PRKN: variants seen among roughly 807,000 people sequenced by gnomAD.
PRKN encodes E3 ubiquitin-protein ligase parkin.
In PRKN, 56 loss-of-function variants were observed where a neutral mutation model predicts 59.5. That is an observed-to-expected ratio of 0.94 (90% CI 0.76 to 1.18). The LOEUF (loss-of-function observed/expected upper bound fraction) is 1.18. PRKN is among the 50% of genes most tolerant of loss of function. The pLI is 0.00. For missense variants in PRKN, 657 were observed against 596.4 expected (o/e 1.10, Z -1.06); for synonymous variants, 250 against 222.1 (o/e 1.13, Z -1.12).
At chr6:161,703,837 CTCTTTTTT>C (rs1410373622) in intron 7 of PRKN, among the ~76,000 whole-genome samples, 1 of 104,804 alleles carries the variant, frequency 9.5e-6, no homozygotes, top group African/African-American at 4.8e-5. Context: ...CTCTCTCTCT[CTCTTTTTT>C]TTTTTTTTTT....
At chr6:162,304,935 T>C (rs1462690892) in intron 2 of PRKN, among the ~76,000 whole-genome samples, 4 of 152,016 alleles carry the variant, frequency 2.6e-5, no homozygotes, top group Non-Finnish European at 5.9e-5. Flanking sequence ...CAATTCAAGA[T>C]ATTTATTTCT....
chr6:161,517,583 A>G (rs911216553), intron 9 of PRKN, among the ~76,000 whole-genome samples: 16 of 152,016 alleles, frequency 1.1e-4, no homozygotes, highest in African/African-American at 3.9e-4. Flanking sequence ...TACTAAAAAT[A>G]CAAAAAATTA....
chr6:161,485,566 AG>A (rs1031817277), intron 9 of PRKN, among the ~76,000 whole-genome samples: 3 of 152,142 alleles, frequency 2.0e-5, no homozygotes, highest in Non-Finnish European at 2.9e-5. Flanking sequence ...TTTATATAGG[AG>A]GGGGTCAAAG....
At chr6:162,317,721 G>A (rs1254841547) in intron 2 of PRKN, among the ~76,000 whole-genome samples, 1 of 151,850 alleles carries the variant, frequency 6.6e-6, no homozygotes, top group Non-Finnish European at 1.5e-5. Context: ...GGCTCCTGAG[G>A]GTAGAGCATT....
In PRKN at chr6:161,584,505, C is replaced by A. The variant is rs1010192484; in HGVS notation, c.872-15089G>T. Among the ~76,000 whole-genome samples, 3 of 152,046 alleles carry A rather than the reference C, an allele frequency of 2.0e-5. No homozygotes were observed. Among genetic ancestry groups the A allele is most frequent in the African/African-American group, 7.2e-5 (3 of 41,398 alleles). ...TTGGGGGAAAAAACCTTATGGCTGG[C>A]CTGTTATTAGAAGAAAATCTTTTAA... On this transcript the variant is annotated intron_variant, in intron 7 of 11. Coordinates refer to ENST00000366898, the MANE Select transcript of PRKN (RefSeq NM_004562.3). The surrounding 1 kb of genome is among the most constrained non-coding windows in gnomAD (Gnocchi z 4.8).
At position 161,407,943 on chromosome 6, in the gene PRKN, G is replaced by A. The variant is rs1787353239; in HGVS notation, c.1084-21066C>T. On this transcript the variant is annotated intron_variant, in intron 9 of 11. Coordinates refer to ENST00000366898, the MANE Select transcript of PRKN (RefSeq NM_004562.3). The surrounding 1 kb of genome is among the most constrained non-coding windows in gnomAD (Gnocchi z 4.9). ...CTGTAACTTTCCACTGCCTACCCAAGTCCTATAAAGCTGCCCCTCTCCTAT... is the reference window on the plus strand; with the variant it reads ...CTGTAACTTTCCACTGCCTACCCAAATCCTATAAAGCTGCCCCTCTCCTAT... 6.6e-6 allele frequency among the ~76,000 whole-genome samples: 1 copy of A among 152,036 alleles called. No homozygotes were observed. Among genetic ancestry groups the A allele is most frequent in the East Asian group, 1.9e-4 (1 of 5,194 alleles).
chr6:162,079,247 T>C (rs528668903), intron 4 of PRKN, among the ~76,000 whole-genome samples: 14 of 152,230 alleles, frequency 9.2e-5, no homozygotes, highest in African/African-American at 3.4e-4. Flanking sequence ...AAGCAATCTA[T>C]TTGGAAAAGC....
rs1791692737 is a variant in PRKN, at chr6:161,487,207, A to G, written c.1083+61647T>C. ...CAAAAGCAATTCTGAGTGAAGTCCT[A>G]TCCCTCAACCCTTTTTACAGGAGAA... On this transcript the variant is annotated intron_variant, in intron 9 of 11. Transcript: ENST00000366898. The surrounding 1 kb of genome is among the most constrained non-coding windows in gnomAD (Gnocchi z 5.3). Among the ~76,000 whole-genome samples the G allele has an allele frequency of 6.6e-6, 1 of 152,222 alleles. No individual in the cohort carries two copies. Among genetic ancestry groups the G allele is most frequent in the Non-Finnish European group, 1.5e-5 (1 of 68,040 alleles).
intron 1 of PRKN, among the ~76,000 whole-genome samples, chr6:162,529,094 G>A (rs1053602079): frequency 3.3e-5 from 5 of 152,142 alleles, no homozygotes; most frequent in East Asian, 1.9e-4. Context: ...GGCTGGTCTC[G>A]AATTCCTGTC....
At chr6:161,476,359 T>A (rs936377656) in intron 9 of PRKN, among the ~76,000 whole-genome samples, 3 of 152,030 alleles carry the variant, frequency 2.0e-5, no homozygotes, top group Non-Finnish European at 2.9e-5. Flanking sequence ...GAAATCAACA[T>A]TTAGGGAATT....
chr6:161,972,791 G>A (rs1039128380), intron 6 of PRKN, among the ~76,000 whole-genome samples: 14 of 152,080 alleles, frequency 9.2e-5, no homozygotes, highest in Admixed American at 4.6e-4. Context: ...CAGCACTTTG[G>A]GAGGCTGAGG....
chr6:162,070,496 C>G lies in PRKN; in HGVS notation c.535-16322G>C, dbSNP rs537221708. Among the ~76,000 whole-genome samples, 31 of 152,136 alleles carry G rather than the reference C, an allele frequency of 2.0e-4. 1 individual carries two copies. The South Asian group carries it at 6.4e-3, about 32-fold the overall frequency. On this transcript the variant is annotated intron_variant, in intron 4 of 11. Transcript: ENST00000366898. ...TTTCAACGTGGCTCTTTTGCATGGC[C>G]GAGTGGATGCTGAATATAAGCTGAG... is the stretch of plus-strand genomic sequence containing the variant.
At chr6:162,034,010 T>C (rs570714580) in intron 5 of PRKN, among the ~76,000 whole-genome samples, 10 of 152,040 alleles carry the variant, frequency 6.6e-5, no homozygotes, top group African/African-American at 2.4e-4. Flanking sequence ...TCAATTCAGA[T>C]AATGTAGTAT....
chr6:161,427,236 T>C (rs575080254), intron 9 of PRKN, among the ~76,000 whole-genome samples: 1 of 152,292 alleles, frequency 6.6e-6, no homozygotes, highest in East Asian at 1.9e-4. Context: ...CTCAGGCTGG[T>C]CTTGAACTCT....
intron 2 of PRKN, among the ~76,000 whole-genome samples, chr6:162,418,358 G>A (rs1002323389): frequency 1.3e-5 from 2 of 152,164 alleles, no homozygotes; most frequent in Admixed American, 6.5e-5. Flanking sequence ...GGGAATGACT[G>A]CTACTGAGTA....
chr6:161,895,676 GCTGTTATGCCCC>G (rs1376094799), intron 6 of PRKN, among the ~76,000 whole-genome samples: 1 of 146,042 alleles, frequency 6.8e-6, no homozygotes, highest in African/African-American at 2.6e-5. Context: ...CACCCCTCCT[GCTGTTATGCCCC>G]CCAGTGAGGC....
At chr6:162,416,235 T>G (rs1386041876) in intron 2 of PRKN, among the ~76,000 whole-genome samples, 2 of 152,224 alleles carry the variant, frequency 1.3e-5, no homozygotes, top group Non-Finnish European at 2.9e-5. Context: ...AATATATTTT[T>G]TAAATCCTCA....
intron 9 of PRKN, among the ~76,000 whole-genome samples, chr6:161,434,648 G>C (rs1175073624): frequency 1.3e-5 from 2 of 152,082 alleles, no homozygotes; most frequent in African/African-American, 4.8e-5. Context: ...ATCTCCTGGA[G>C]CCTTAATTTT....
chr6:162,664,198 C>G (rs777874841), intron 1 of PRKN, among the ~76,000 whole-genome samples: 4 of 152,134 alleles, frequency 2.6e-5, no homozygotes, highest in Non-Finnish European at 5.9e-5. Flanking sequence ...CCAGCTTCAT[C>G]CATGTCCCTG....
Sources: gnomAD v4.1 joint callset for allele counts (sites outside exome capture counted in the v4.1 genomes callset) on GRCh38, gnomAD v4.1.1 for gene constraint, Gnocchi (gnomAD v3.1) non-coding constraint, MANE v1.5 for transcripts, NCBI Gene and HGNC (gene_info 2026-07-23, HGNC 2026-07-21) for gene names.